The following CSPP1 variants were observed in gnomAD, a reference collection of about 807,000 sequenced individuals.
The protein encoded by CSPP1 is centrosome and spindle pole-associated protein 1.
A neutral mutation model predicts 164.4 loss-of-function variants in CSPP1; 126 were observed. The ratio of observed to expected loss-of-function variants is 0.77; its 90% confidence interval spans 0.66 to 0.89. CSPP1 has a LOEUF of 0.89. Among genes scored for constraint, CSPP1 ranks in the 40% least tolerant of loss-of-function variants. CSPP1 has a pLI of 0.00. For missense variants in CSPP1, 1,395 were observed against 1,449.8 expected (o/e 0.96, Z 0.61); for synonymous variants, 472 against 476.7 (o/e 0.99, Z 0.13).
intron 10 of CSPP1, among the ~76,000 whole-genome samples, chr8:67,113,349 C>CA (rs1253922391): frequency 6.6e-6 from 1 of 152,064 alleles, no homozygotes; most frequent in Non-Finnish European, 1.5e-5. Context: ...CCCTCTATCT[C>CA]AGAGGAAGCC....
In CSPP1 at chr8:67,081,353, G is replaced by T. The variant is rs550841595; in HGVS notation, c.200-4654G>T. ...TACCTCCCAGAAACTGGAGACAAAG[G>T]ATTCAATTTTTTTTTTCTTTTTTCT... is the stretch of plus-strand genomic sequence containing the variant. On this transcript the variant is annotated intron_variant, in intron 3 of 30. Transcript: ENST00000678616. Among the ~76,000 whole-genome samples, 203 of 150,656 alleles carry T rather than the reference G, an allele frequency of 1.3e-3. 2 individuals carry two copies. The highest frequency in any genetic ancestry group is 3.4e-3 in the Middle Eastern group (1 of 290).
At chr8:67,093,783 G>A in intron 6 of CSPP1, 142 bp downstream of exon 6, 1 of 464,404 alleles carries the variant, frequency 2.2e-6, no homozygotes, top group Admixed American at 3.9e-5. Context: ...CCAAACACAG[G>A]ACATTTAAAT....
intron 24 of CSPP1, among the ~76,000 whole-genome samples, chr8:67,169,770 A>T (rs1157088877): frequency 6.6e-6 from 1 of 150,978 alleles, no homozygotes; most frequent in Admixed American, 6.6e-5. Context: ...ATTTTTGGAG[A>T]CAGAGTCTCT....
At chr8:67,168,052 C>T (rs986600280) in intron 24 of CSPP1, among the ~76,000 whole-genome samples, 6 of 152,164 alleles carry the variant, frequency 3.9e-5, no homozygotes, top group Admixed American at 1.3e-4. Context: ...CCCGGCACCT[C>T]GGGAGGCCGA....
chr8:67,163,043 T>G (rs1294926360), intron 22 of CSPP1, among the ~76,000 whole-genome samples: 1 of 152,090 alleles, frequency 6.6e-6, no homozygotes, highest in Non-Finnish European at 1.5e-5. Context: ...ATTACCAACA[T>G]TTGAGAAGCA....
rs547315868 is a variant in CSPP1, at chr8:67,159,729, C to T, written c.2538+592C>T. ...CAGAGACGGGGTTTCACCATGTTGG[C>T]CAGACTGGTCTCAAACTCCTGACCT... is the stretch of plus-strand genomic sequence containing the variant. On this transcript the variant is annotated intron_variant, in intron 21 of 30. Coordinates refer to ENST00000678616, the MANE Select transcript of CSPP1 (RefSeq NM_001382391.1). Among the ~76,000 whole-genome samples the T allele has an allele frequency of 1.2e-3, 186 of 150,370 alleles. 1 individual carries two copies. Among genetic ancestry groups the T allele is most frequent in the African/African-American group, 4.4e-3 (181 of 41,126 alleles).
chr8:67,188,733 A>C (rs2129574728), intron 28 of CSPP1, among the ~76,000 whole-genome samples: 1 of 152,164 alleles, frequency 6.6e-6, no homozygotes, highest in African/African-American at 2.4e-5. Flanking sequence ...TGTCCTCTAC[A>C]CTTCTGATCC....
intron 3 of CSPP1, among the ~76,000 whole-genome samples, chr8:67,080,109 C>G (rs926269022): frequency 6.6e-5 from 10 of 152,184 alleles, no homozygotes; most frequent in African/African-American, 2.4e-4. Flanking sequence ...CAGTCAAATA[C>G]ATAGTTTCTC....
At chr8:67,143,841 T>G (rs1370600995) in intron 17 of CSPP1, among the ~76,000 whole-genome samples, 1 of 152,208 alleles carries the variant, frequency 6.6e-6, no homozygotes, top group African/African-American at 2.4e-5. Flanking sequence ...TTTAGTAGTT[T>G]TTTTGTAGAT....
chr8:67,099,046 G>A (rs969370261), intron 7 of CSPP1, among the ~76,000 whole-genome samples: 13 of 151,322 alleles, frequency 8.6e-5, no homozygotes, highest in African/African-American at 2.7e-4. Flanking sequence ...TGGGTATTAC[G>A]ATTTTTACCT....
At chr8:67,082,701 A>G (rs534135741) in intron 3 of CSPP1, among the ~76,000 whole-genome samples, 8 of 152,346 alleles carry the variant, frequency 5.3e-5, no homozygotes, top group African/African-American at 1.9e-4. Context: ...ATTAATTATG[A>G]AGAAGTTATA....
At chr8:67,168,864 A>G (rs1829980162) in intron 24 of CSPP1, among the ~76,000 whole-genome samples, 1 of 152,252 alleles carries the variant, frequency 6.6e-6, no homozygotes, top group South Asian at 2.1e-4. Context: ...ATTAATGGAA[A>G]CTAGACAGCA....
chr8:67,144,240 A>C (rs369204062), intron 17 of CSPP1, among the ~76,000 whole-genome samples: 8 of 152,320 alleles, frequency 5.3e-5, no homozygotes, highest in African/African-American at 1.9e-4. Context: ...ATTTTTGAAT[A>C]TTCAGCCAAT....
chr8:67,150,087 TTC>T (rs1251438593), intron 18 of CSPP1, 152 bp downstream of exon 18: 1 of 715,214 alleles, frequency 1.4e-6, no homozygotes, highest in Non-Finnish European at 2.0e-6. Context: ...AAAGTGCCTT[TTC>T]TTCATAGTTA....
intron 28 of CSPP1, among the ~76,000 whole-genome samples, chr8:67,189,922 C>CTAGAATGATTATAAGCAAAAAGA (rs1435564169): frequency 6.6e-6 from 1 of 152,122 alleles, no homozygotes; most frequent in Non-Finnish European, 1.5e-5. Context: ...TACCGATCCA[C>CTAGAATGATTATAAGCAAAAAGA]TAGAATGATT....
At chr8:67,133,518 A>G (rs1394477076) in intron 16 of CSPP1, 2 of 152,234 alleles carry the variant, frequency 1.3e-5, no homozygotes, top group African/African-American at 4.8e-5. Flanking sequence ...ATTTAAAAAT[A>G]CTGTATTGCT....
chr8:67,111,795 C>T (rs1198974657), intron 9 of CSPP1, among the ~76,000 whole-genome samples, 177 bp from the exon 10 acceptor site: 1 of 150,980 alleles, frequency 6.6e-6, no homozygotes, highest in Admixed American at 6.6e-5. Flanking sequence ...TAGTAGGTAC[C>T]CATTAATTAC....
rs1825358473 is a variant in CSPP1 at position 67,149,915 on chromosome 8, A to T, written c.2108A>T (p.Asp703Val). The T allele has an allele frequency of 1.3e-6, 2 of 1,558,104 alleles. No homozygotes were observed. The highest frequency in any genetic ancestry group is 2.8e-5 in the African/African-American group (2 of 71,208). Residue 703 changes from aspartate (D) to valine (V), a missense_variant, in exon 18 of 31, where the codon GAT (aspartate) becomes GTT (valine). By Grantham distance (152) the Asp-to-Val change is radical. Transcript: ENST00000678616. ...LATSNAENLE[D>V]AANKSSGHMQ... is the part of the protein sequence containing the mutation. The stretch of plus-strand genomic sequence containing the variant: ...ACTTCAAATGCTGAGAACCTAGAAG[A>T]TGCTGCAAATAAAAGCTCAGGTTTT...
intron 20 of CSPP1, 63 bp from the exon 21 acceptor site, chr8:67,158,928 C>A: frequency 7.8e-7 from 1 of 1,289,282 alleles, no homozygotes; most frequent in Non-Finnish European, 1.1e-6. Context: ...AATAAGGCAG[C>A]ACATTTTTGA....
Sources: gnomAD v4.1 joint callset for allele counts (sites outside exome capture counted in the v4.1 genomes callset) on GRCh38, gnomAD v4.1.1 for gene constraint, MANE v1.5 for transcripts, NCBI Gene and HGNC (gene_info 2026-07-23, HGNC 2026-07-21) for gene names.